The following GRK1 variants were observed in gnomAD, a reference collection of about 807,000 sequenced individuals.
GRK1 encodes G protein-coupled receptor kinase 1, also known as rhodopsin kinase GRK1.
In GRK1, 28 loss-of-function variants were observed where a neutral mutation model predicts 41.7. That is an observed-to-expected ratio of 0.67 (90% CI 0.50 to 0.92). The LOEUF (loss-of-function observed/expected upper bound fraction) is 0.92. Among genes scored for constraint, GRK1 ranks in the 40% least tolerant of loss-of-function variants. The pLI, the probability that GRK1 is intolerant of heterozygous loss-of-function variation, is 0.00. For missense variants in GRK1, 703 were observed against 671.2 expected (o/e 1.05, Z -0.52); for synonymous variants, 327 against 286.7 (o/e 1.14, Z -1.42).
At position 113,736,486 on chromosome 13, in the gene GRK1, A is replaced by G. The variant is rs2050005786; in HGVS notation, c.*1123A>G. The G allele has an allele frequency of 2.0e-5, 3 of 152,374 alleles. No homozygotes were observed. The South Asian group carries it at 6.2e-4, about 32-fold the overall frequency. The allele number at this position is 152,374 out of a possible 1,614,324, so 9.4% of individuals were successfully genotyped here. A position where few individuals can be genotyped will look rare whatever the true frequency, so the allele number is the denominator to read the frequency against. ...CACTTTGAACACTGAAGGTTCCCCA[A>G]ATGCTTTGTGTGTTTTAACTGCAGG... is the stretch of plus-strand genomic sequence containing the variant. On this transcript the variant is annotated 3_prime_UTR_variant, in exon 7 of 7. Coordinates refer to ENST00000335678, the MANE Select transcript of GRK1 (RefSeq NM_002929.3).
intron 4 of GRK1, among the ~76,000 whole-genome samples, chr13:113,723,842 G>A (rs550957165): frequency 1.3e-5 from 2 of 150,642 alleles, no homozygotes; most frequent in Non-Finnish European, 2.9e-5. Context: ...CTGTGCACAC[G>A]TGTCTGTGTG....
chr13:113,733,950 GTGTGCATA>G (rs2049977453), intron 6 of GRK1, among the ~76,000 whole-genome samples: 1 of 147,146 alleles, frequency 6.8e-6, no homozygotes, highest in African/African-American at 2.6e-5. Flanking sequence ...GTGTGCGTGT[GTGTGCATA>G]CGTGTGTGTG....
rs965127839 is a variant in GRK1, at chr13:113,736,298, C to T, written c.*935C>T. On this transcript the variant is annotated 3_prime_UTR_variant, in exon 7 of 7. Coordinates refer to ENST00000335678, the MANE Select transcript of GRK1 (RefSeq NM_002929.3). Reference sequence around the variant, plus strand: ...TCATCTCCCAGGGGACACTTCAGGCCACGGGCCTTGTGCATAGGGACAGAG... The same window carrying T: ...TCATCTCCCAGGGGACACTTCAGGCTACGGGCCTTGTGCATAGGGACAGAG... 6.6e-6 allele frequency: 1 copy of T among 152,316 alleles called. No individual in the cohort carries two copies. The highest frequency in any genetic ancestry group is 1.5e-5 in the Non-Finnish European group (1 of 68,108). 9.4% of individuals were successfully genotyped at this position (152,316 alleles called of 1,614,324 possible).
At position 113,734,036 on chromosome 13, in the gene GRK1, A is replaced by G. The variant is rs1337244922; in HGVS notation, c.1396+951A>G. Among the ~76,000 whole-genome samples the G allele has an allele frequency of 8.3e-3, 891 of 107,884 alleles. 18 individuals carry two copies. Among genetic ancestry groups the G allele is most frequent in the African/African-American group, 0.025 (747 of 29,942 alleles). 70.8% of individuals were successfully genotyped at this position (107,884 alleles called of 152,430 possible). The stretch of plus-strand genomic sequence containing the variant: ...TGCATGTGTGTGCGTGCGTGTGCGT[A>G]TGTGTGTGTGCATACGTGTGTGTGC... On this transcript the variant is annotated intron_variant, in intron 6 of 6. Transcript: ENST00000335678.
the GRK1 span, among the ~76,000 whole-genome samples, chr13:113,648,243 C>T: frequency 2.0e-5 from 3 of 152,352 alleles, no homozygotes; most frequent in South Asian, 6.2e-4. Context: ...CGTCTTCCAT[C>T]GGTAAATTGA....
intron 4 of GRK1, among the ~76,000 whole-genome samples, chr13:113,723,733 T>C (rs2049871256): frequency 6.6e-6 from 1 of 152,006 alleles, no homozygotes; most frequent in Admixed American, 6.5e-5. Context: ...TCTCAAGATA[T>C]TTTCCTTTTA....
At chr13:113,672,095 G>A (rs959591687) in intron 3 of GRK1, among the ~76,000 whole-genome samples, 1 of 152,036 alleles carries the variant, frequency 6.6e-6, no homozygotes, top group Non-Finnish European at 1.5e-5. Flanking sequence ...TGGCACGGCC[G>A]GCCCTCTTCC....
At chr13:113,657,030 C>G in the GRK1 span, among the ~76,000 whole-genome samples, 1 of 152,248 alleles carries the variant, frequency 6.6e-6, no homozygotes, top group East Asian at 1.9e-4. Flanking sequence ...GCCCATGACT[C>G]CAGCTGGCTC....
At chr13:113,652,215 G>A in the GRK1 span, among the ~76,000 whole-genome samples, 48 of 152,324 alleles carry the variant, frequency 3.2e-4, no homozygotes, top group African/African-American at 1.1e-3. Context: ...GCCATGAGAC[G>A]GGCACAGTGG....
chr13:113,727,501 C>T (rs2049896734), intron 4 of GRK1, among the ~76,000 whole-genome samples: 1 of 152,122 alleles, frequency 6.6e-6, no homozygotes, highest in African/African-American at 2.4e-5. Context: ...GGGCTGTGGC[C>T]TTGGACAAGT....
intron 4 of GRK1, among the ~76,000 whole-genome samples, chr13:113,727,458 C>CCTGTGGACTGTGGG (rs1279936630): frequency 6.6e-6 from 1 of 151,846 alleles, no homozygotes; most frequent in African/African-American, 2.4e-5. Flanking sequence ...TGGACAGCAG[C>CCTGTGGACTGTGGG]CTGTGGACTG....
At chr13:113,728,143 TGAG>T (rs2049905492) in intron 4 of GRK1, among the ~76,000 whole-genome samples, 1 of 81,978 alleles carries the variant, frequency 1.2e-5, no homozygotes, top group African/African-American at 5.5e-5. Context: ...CCCATGGCGA[TGAG>T]GAGTACCCAT....
rs1275088762 is a variant in GRK1 at position 113,737,329 on chromosome 13, A to G, written c.*1966A>G. 1 of 137,910 alleles carries G rather than the reference A, an allele frequency of 7.3e-6. No individual in the cohort carries two copies. Among genetic ancestry groups the G allele is most frequent in the East Asian group, 2.1e-4 (1 of 4,822 alleles). 8.5% of individuals were successfully genotyped at this position (137,910 alleles called of 1,614,324 possible). On this transcript the variant is annotated 3_prime_UTR_variant, in exon 7 of 7. Coordinates refer to ENST00000335678, the MANE Select transcript of GRK1 (RefSeq NM_002929.3). ...GGGTGAGGAGCACGTCTTCCCATAG[A>G]TCCCACATCGGCCACACCCTGGGTG... is the stretch of plus-strand genomic sequence containing the variant.
intron 4 of GRK1, among the ~76,000 whole-genome samples, chr13:113,730,640 G>A (rs1264512973): frequency 6.6e-6 from 1 of 152,242 alleles, no homozygotes; most frequent in African/African-American, 2.4e-5. Flanking sequence ...TGTGGTTAAG[G>A]GCCTTCTTGG....
the GRK1 span, chr13:113,650,478 C>T: frequency 6.2e-7 from 1 of 1,613,700 alleles, no homozygotes; most frequent in African/African-American, 1.3e-5. This position sits in a 1 kb window ranked among gnomAD's most constrained non-coding sequence, Gnocchi z 5.0. Flanking sequence ...ACTTGACCTG[C>T]AGCGGCTGGC....
chr13:113,650,559 T>C, the GRK1 span: 1 of 1,479,146 alleles, frequency 6.8e-7, no homozygotes, highest in Non-Finnish European at 9.3e-7. This position sits in a 1 kb window ranked among gnomAD's most constrained non-coding sequence, Gnocchi z 5.0. Flanking sequence ...TGTGTGCCGG[T>C]GTCTGTGTGT....
At chr13:113,666,177 T>TCC, upstream of GRK1, among the ~76,000 whole-genome samples, 1 of 127,822 alleles carries the variant, frequency 7.8e-6, no homozygotes, top group Admixed American at 7.4e-5. Flanking sequence ...CAGCTGCATT[T>TCC]CAAGTGTCTC....
the GRK1 span, among the ~76,000 whole-genome samples, chr13:113,659,769 G>A: frequency 1.3e-5 from 2 of 151,814 alleles, no homozygotes; most frequent in Non-Finnish European, 2.9e-5. Context: ...CTTTAACATT[G>A]TACCCATTTC....
chr13:113,660,138 G>C, the GRK1 span, among the ~76,000 whole-genome samples: 1 of 152,122 alleles, frequency 6.6e-6, no homozygotes, highest in African/African-American at 2.4e-5. Flanking sequence ...TGAAAACATA[G>C]AACTAGGTGC....
Sources: gnomAD v4.1 joint callset for allele counts (sites outside exome capture counted in the v4.1 genomes callset) on GRCh38, gnomAD v4.1.1 for gene constraint, Gnocchi (gnomAD v3.1) non-coding constraint, MANE v1.5 for transcripts, NCBI Gene and HGNC (gene_info 2026-07-23, HGNC 2026-07-21) for gene names.